Variants in ANKRD18B observed in about 807,000 individuals in gnomAD.
ANKRD18B encodes the protein ankyrin repeat domain 18B, also known as ankyrin repeat domain-containing protein 18B.
Under a neutral mutation model 111.8 loss-of-function variants are expected in ANKRD18B, and 75 were observed. The observed-to-expected ratio is 0.67, with a 90% CI of 0.56 to 0.81. The LOEUF is 0.81. Ranked by LOEUF, ANKRD18B falls within the 40% of genes least tolerant of loss-of-function variation. The pLI is 0.00. For synonymous variants in ANKRD18B, 356 were observed against 417.3 expected, an observed-to-expected ratio of 0.85 and a Z score of 1.79; for missense variants, 1,038 against 1,225.5, an observed-to-expected ratio of 0.85 and a Z score of 2.28.
At position 33,572,675 on chromosome 9, in the gene ANKRD18B, A is replaced by T; in HGVS notation, c.*241A>T. On this transcript the variant is annotated 3_prime_UTR_variant, in exon 19 of 19. Transcript: ENST00000684830. ...CTGAATGTCAGCTGTTTAAACAGCC[A>T]AACAACCAAGTCATCATTGATACTG... is the stretch of plus-strand genomic sequence containing the variant. 1.8e-6 allele frequency: 2 copies of T among 1,118,598 alleles called. No individual in the cohort carries two copies. The highest frequency in any genetic ancestry group is 2.2e-6 in the Non-Finnish European group (2 of 914,388). 69.3% of individuals were successfully genotyped at this position (1,118,598 alleles called of 1,614,324 possible). A position where few individuals can be genotyped will look rare whatever the true frequency, so the allele number is the denominator to read the frequency against.
At position 33,566,292 on chromosome 9, in the gene ANKRD18B, T is replaced by C. The variant is rs1201083741; in HGVS notation, c.2534T>C (p.Leu845Pro). 1 of 1,561,268 alleles carries C rather than the reference T, an allele frequency of 6.4e-7. No homozygotes were observed. Among genetic ancestry groups the C allele is most frequent in the Non-Finnish European group, 8.7e-7 (1 of 1,150,444 alleles). Residue 845 changes from leucine to proline, a missense_variant, in exon 15 of 19, where the codon CTT (leucine) becomes CCT (proline). Leu to Pro is a moderately conservative substitution (Grantham distance 98). This residue lies in a region of ANKRD18B where 524 missense variants were observed against 677.9 expected (regional missense o/e 0.77). Coordinates refer to ENST00000684830, the MANE Select transcript of ANKRD18B (RefSeq NM_001393611.1). ...CVNLAKDNEV[L>P]HQELLSMGKV... ...AATTTGGCCAAAGACAATGAAGTTCTTCATCAGGAGTTATTATCTATGGGA... is the reference window on the plus strand; with the variant it reads ...AATTTGGCCAAAGACAATGAAGTTCCTCATCAGGAGTTATTATCTATGGGA...
At chr9:33,537,280 G>A (rs994231432) in intron 6 of ANKRD18B, among the ~76,000 whole-genome samples, 3 of 152,034 alleles carry the variant, frequency 2.0e-5, no homozygotes, top group Non-Finnish European at 4.4e-5. Context: ...CTGGATGGAA[G>A]AGCAAGACTC....
At chr9:33,562,633 T>C (rs960317863) in intron 14 of ANKRD18B, among the ~76,000 whole-genome samples, 12 of 152,218 alleles carry the variant, frequency 7.9e-5, no homozygotes, top group African/African-American at 2.9e-4. Flanking sequence ...AGCCAAGTTG[T>C]GTGCTATAGA....
chr9:33,573,990 G>A (rs1828822480), downstream of ANKRD18B, among the ~76,000 whole-genome samples: 1 of 144,136 alleles, frequency 6.9e-6, no homozygotes, highest in Non-Finnish European at 1.6e-5. Context: ...TCGGTGGGGT[G>A]TATTCAGTAT....
chr9:33,524,622 G>C lies in ANKRD18B; in HGVS notation c.133G>C (p.Gly45Arg). Residue 45 changes from glycine (G) to arginine (R), a missense_variant, in exon 1 of 19, where the codon GGC becomes CGC. By Grantham distance (125) the Gly-to-Arg change is moderately radical. This residue lies in a region of ANKRD18B where 216 missense variants were observed against 205.1 expected (regional missense o/e 1.05). Coordinates refer to ENST00000684830, the MANE Select transcript of ANKRD18B (RefSeq NM_001393611.1). Reference protein sequence around the residue: ...LRKIHRAAIKGDAAEVEHCLT... With the variant: ...LRKIHRAAIKRDAAEVEHCLT... ...GAAGATCCACAGGGCGGCCATCAAG[G>C]GCGACGCCGCAGAGGTGGAGCACTG... The C allele has an allele frequency of 6.4e-7, 1 of 1,551,618 alleles. No homozygotes were observed. Among genetic ancestry groups the C allele is most frequent in the Non-Finnish European group, 8.7e-7 (1 of 1,146,894 alleles).
rs189363104 is a variant in ANKRD18B, at chr9:33,549,270, A to T, written c.2067+415A>T. ...CGAAGCTGTTTTAGTAAACCAAAAA[A>T]GTGTTTACTGTATCAGCTTGGAAAC... On this transcript the variant is annotated intron_variant, in intron 11 of 18. Transcript: ENST00000684830. 4.6e-5 allele frequency among the ~76,000 whole-genome samples: 7 copies of T among 152,308 alleles called. No individual in the cohort carries two copies. The East Asian group carries it at 1.3e-3, about 29-fold the overall frequency.
intron 10 of ANKRD18B, 117 bp from the exon 11 acceptor site, chr9:33,547,821 G>T (rs190233376): frequency 2.4e-5 from 17 of 709,486 alleles, no homozygotes; most frequent in Non-Finnish European, 2.9e-5. Context: ...TCTCCAGTTG[G>T]TTATCCACTT....
At chr9:33,534,898 C>T (rs907176552) in intron 5 of ANKRD18B, among the ~76,000 whole-genome samples, 2 of 148,018 alleles carry the variant, frequency 1.4e-5, no homozygotes, top group African/African-American at 5.0e-5. Flanking sequence ...GATTCTCCTG[C>T]CTTGGCCTCG....
rs1435982921 is a variant in ANKRD18B at position 33,529,097 on chromosome 9, A to G, written c.419A>G (p.Tyr140Cys). The G allele has an allele frequency of 1.2e-6, 2 of 1,612,022 alleles. No individual in the cohort carries two copies. Reference protein sequence around the residue: ...KDIYGNTALHYAVYNEGTSLA... With the variant: ...KDIYGNTALHCAVYNEGTSLA... ...ATCTACGGCAACACTGCTCTCCATT[A>G]TGCCGTGTATAATGAGGGGACTTCA... is the stretch of plus-strand genomic sequence containing the variant. Residue 140 changes from tyrosine to cysteine, a missense_variant, in exon 3 of 19, where the codon TAT becomes TGT. Tyr to Cys is a radical substitution (Grantham distance 194). Coordinates refer to ENST00000684830, the MANE Select transcript of ANKRD18B (RefSeq NM_001393611.1).
chr9:33,557,543 A>G (rs1587272532), intron 13 of ANKRD18B, among the ~76,000 whole-genome samples: 1 of 152,060 alleles, frequency 6.6e-6, no homozygotes. Flanking sequence ...AATCCCAGCA[A>G]TTTGGGAGGC....
chr9:33,526,476 T>G (rs1828027218), intron 1 of ANKRD18B, among the ~76,000 whole-genome samples: 1 of 152,198 alleles, frequency 6.6e-6, no homozygotes, highest in Non-Finnish European at 1.5e-5. Context: ...TAGGATAAAA[T>G]TTGTAACTTC....
chr9:33,537,391 A>G (rs1828217078), intron 6 of ANKRD18B, among the ~76,000 whole-genome samples: 1 of 152,140 alleles, frequency 6.6e-6, no homozygotes. Context: ...TTTAAATTTA[A>G]TTTCTTTAGA....
At chr9:33,560,126 A>G (rs1462918816) in intron 14 of ANKRD18B, among the ~76,000 whole-genome samples, 3 of 152,090 alleles carry the variant, frequency 2.0e-5, no homozygotes, top group Non-Finnish European at 2.9e-5. Flanking sequence ...CAGGGCTTTC[A>G]CTCCTTAGTT....
In ANKRD18B at chr9:33,550,488, CAG is replaced by C. The variant is rs1563904653; in HGVS notation, c.2129_2130del (p.Glu710ValfsTer12). 1 of 1,548,114 alleles carries C rather than the reference CAG, an allele frequency of 6.5e-7. No individual in the cohort carries two copies. The highest frequency in any genetic ancestry group is 8.7e-7 in the Non-Finnish European group (1 of 1,145,412). On this transcript the variant is annotated frameshift_variant, in exon 12 of 19. Transcript: ENST00000684830. LOFTEE classifies it high-confidence loss of function. ...GATCATCTTAAAAAATTTTCAATGT[CAG>C]AGTCTCCACTGGAAGGTACATCACA...
intron 1 of ANKRD18B, among the ~76,000 whole-genome samples, chr9:33,527,736 A>G (rs1180749949): frequency 1.3e-5 from 2 of 152,160 alleles, no homozygotes; most frequent in Non-Finnish European, 2.9e-5. Context: ...AGTGTCAGTT[A>G]GATGCCTAGA....
intron 10 of ANKRD18B, among the ~76,000 whole-genome samples, chr9:33,543,691 ACTT>A (rs1404634783): frequency 6.6e-6 from 1 of 152,098 alleles, no homozygotes; most frequent in Non-Finnish European, 1.5e-5. Context: ...GAGGTTAAAG[ACTT>A]CTTCTGTTTT....
intron 16 of ANKRD18B, among the ~76,000 whole-genome samples, 183 bp downstream of exon 16, chr9:33,567,497 T>G (rs1237499135): frequency 6.6e-6 from 1 of 152,160 alleles, no homozygotes; most frequent in South Asian, 2.1e-4. Flanking sequence ...GGATAGTTTC[T>G]GTCTCTCTTC....
chr9:33,569,814 T>A (rs13283352), intron 17 of ANKRD18B, among the ~76,000 whole-genome samples: 1 of 152,092 alleles, frequency 6.6e-6, no homozygotes, highest in Non-Finnish European at 1.5e-5. Context: ...CAGGCAGATC[T>A]CCTGAGGACA....
At chr9:33,543,310 T>C in intron 10 of ANKRD18B, 55 bp downstream of exon 10, 3 of 1,412,016 alleles carry the variant, frequency 2.1e-6, no homozygotes, top group Non-Finnish European at 1.9e-6. Flanking sequence ...TTTTCTTTAA[T>C]AACATAGCAT....
Sources: gnomAD v4.1 joint callset for allele counts (sites outside exome capture counted in the v4.1 genomes callset) on GRCh38, gnomAD v4.1.1 for gene constraint, gnomAD v4.1.1 regional missense constraint, MANE v1.5 for transcripts, NCBI Gene and HGNC (gene_info 2026-07-23, HGNC 2026-07-21) for gene names.